The following DNER variants were observed in gnomAD, a reference collection of about 807,000 sequenced individuals.
The protein encoded by DNER is delta and Notch-like epidermal growth factor-related receptor.
A neutral mutation model predicts 78.2 loss-of-function variants in DNER; 33 were observed. That is an observed-to-expected ratio of 0.42 (90% CI 0.32 to 0.56). DNER has a LOEUF of 0.56. DNER is among the 20% of genes least tolerant of loss of function. The pLI is 0.11. For missense variants in DNER, 918 were observed against 975.3 expected, an observed-to-expected ratio of 0.94 and a Z score of 0.78; for synonymous variants, 417 against 384.8, an observed-to-expected ratio of 1.08 and a Z score of -0.98.
intron 5 of DNER, among the ~76,000 whole-genome samples, chr2:229,539,064 C>T (rs1696465903): frequency 6.6e-6 from 1 of 152,174 alleles, no homozygotes. Context: ...GTTCTGATGT[C>T]CTCCTTGAAA....
chr2:229,372,078 G>C (rs963857863), intron 11 of DNER, among the ~76,000 whole-genome samples: 1 of 152,184 alleles, frequency 6.6e-6, no homozygotes, highest in Non-Finnish European at 1.5e-5. Flanking sequence ...GAAAGAGATC[G>C]TCTCCTTTAT....
In DNER at chr2:229,586,024, C is replaced by T; in HGVS notation, c.681G>A (p.Lys227=). 4 of 1,608,748 alleles carry T rather than the reference C, an allele frequency of 2.5e-6. No individual in the cohort carries two copies. The highest frequency in any genetic ancestry group is 3.4e-6 in the Non-Finnish European group (4 of 1,177,796). The change falls in exon 4 of 13, where the codon AAG becomes AAA. Residue 227 remains lysine, a splice_region_variant and synonymous_variant. Coordinates refer to ENST00000341772, the MANE Select transcript of DNER (RefSeq NM_139072.4). ...SFEVPQNTSV[K]IRQDATASLI... ...GTGAGGCAGTGGCATCTTGCCGAATCCTGGAAACAGGAATGATGTAAACAG... is the reference window on the plus strand; with the variant it reads ...GTGAGGCAGTGGCATCTTGCCGAATTCTGGAAACAGGAATGATGTAAACAG...
At chr2:229,386,861 C>T (rs1692878681) in intron 11 of DNER, among the ~76,000 whole-genome samples, 3 of 152,052 alleles carry the variant, frequency 2.0e-5, no homozygotes, top group Non-Finnish European at 4.4e-5. Context: ...AATAGGAATG[C>T]TTTTATACTC....
intron 11 of DNER, among the ~76,000 whole-genome samples, chr2:229,377,318 C>T (rs1574813628): frequency 6.6e-6 from 1 of 152,334 alleles, no homozygotes; most frequent in East Asian, 1.9e-4. Flanking sequence ...AACTGGCCAA[C>T]TGTCAGTCAA....
intron 1 of DNER, among the ~76,000 whole-genome samples, chr2:229,593,054 C>T (rs577632623): frequency 7.4e-4 from 113 of 152,308 alleles, no homozygotes; most frequent in South Asian, 1.5e-3. Flanking sequence ...TTCAAAAATA[C>T]CACATTAATT....
rs207652 is a variant in DNER, at chr2:229,376,778, T to A, written c.1856-9659A>T. The stretch of plus-strand genomic sequence containing the variant: ...CATCTAGAAGAATATGCAATAAATG[T>A]CTAACAGTAGTTACCTTTAAGGAGT... On this transcript the variant is annotated intron_variant, in intron 11 of 12. Transcript: ENST00000341772. Among the ~76,000 whole-genome samples, 3 of 152,292 alleles carry A rather than the reference T, an allele frequency of 2.0e-5. No individual in the cohort carries two copies. The South Asian group carries it at 6.2e-4, about 32-fold the overall frequency.
chr2:229,623,323 C>T (rs1445039973), intron 1 of DNER, among the ~76,000 whole-genome samples: 1 of 152,154 alleles, frequency 6.6e-6, no homozygotes, highest in East Asian at 1.9e-4. Context: ...AATCTCCACC[C>T]ACCTTCTTTG....
chr2:229,435,348 G>T (rs1294077742), intron 8 of DNER, among the ~76,000 whole-genome samples: 1 of 152,174 alleles, frequency 6.6e-6, no homozygotes, highest in Non-Finnish European at 1.5e-5. Context: ...AAAAGCATGA[G>T]TGGGCACATG....
intron 4 of DNER, among the ~76,000 whole-genome samples, chr2:229,557,186 T>C (rs1221996900): frequency 2.6e-5 from 4 of 152,088 alleles, no homozygotes; most frequent in African/African-American, 9.7e-5. Flanking sequence ...TATAAAAGAG[T>C]GATCATTTGA....
intron 1 of DNER, among the ~76,000 whole-genome samples, chr2:229,691,213 C>T (rs184562074): frequency 2.5e-4 from 38 of 152,290 alleles, no homozygotes; most frequent in African/African-American, 8.9e-4. Flanking sequence ...GAAGAGACAA[C>T]AGTGGCTTCA....
chr2:229,639,809 G>C (rs1180729490), intron 1 of DNER, among the ~76,000 whole-genome samples: 1 of 152,186 alleles, frequency 6.6e-6, no homozygotes. Flanking sequence ...CGGCCAGGAT[G>C]CAGCGAAGAA....
At chr2:229,613,941 C>G (rs1000650205) in intron 1 of DNER, among the ~76,000 whole-genome samples, 1 of 150,248 alleles carries the variant, frequency 6.7e-6, no homozygotes, top group African/African-American at 2.4e-5. Context: ...AAACCAAACA[C>G]CGCATGTTCT....
chr2:229,604,430 T>C (rs72990006), intron 1 of DNER, among the ~76,000 whole-genome samples: 1,624 of 152,158 alleles, frequency 0.011, 12 homozygotes, highest in Non-Finnish European at 0.017. Flanking sequence ...CCAGGAAGAG[T>C]GTTCTTCTGT....
chr2:229,564,324 TTCCTCACCCCATCACCATCATCATCATCA>T (rs1559168369), intron 4 of DNER, among the ~76,000 whole-genome samples: 2 of 32,602 alleles, frequency 6.1e-5, no homozygotes, highest in Non-Finnish European at 1.3e-4. Flanking sequence ...CATCATCATC[TTCCTCACCCCATCACCATCATCATCATCA>T]TCCTCACCCC....
At chr2:229,684,323 G>T (rs1699448314) in intron 1 of DNER, among the ~76,000 whole-genome samples, 1 of 151,650 alleles carries the variant, frequency 6.6e-6, no homozygotes, top group Non-Finnish European at 1.5e-5. Flanking sequence ...TAGGGGAACA[G>T]ATTTAAATGT....
chr2:229,696,960 G>C (rs1310346589), intron 1 of DNER, among the ~76,000 whole-genome samples: 1 of 152,054 alleles, frequency 6.6e-6, no homozygotes, highest in Non-Finnish European at 1.5e-5. Flanking sequence ...TTTAAATATG[G>C]AATTACCATA....
intron 11 of DNER, among the ~76,000 whole-genome samples, chr2:229,387,954 G>C (rs1315258261): frequency 6.6e-6 from 1 of 151,832 alleles, no homozygotes; most frequent in Non-Finnish European, 1.5e-5. Flanking sequence ...TTTCTGTTCA[G>C]CACATTTTTG....
intron 7 of DNER, among the ~76,000 whole-genome samples, chr2:229,467,839 A>T (rs1409522349): frequency 6.6e-6 from 1 of 152,250 alleles, no homozygotes; most frequent in Non-Finnish European, 1.5e-5. Context: ...ACAAGAAAAA[A>T]AATAAAAATA....
At chr2:229,528,821 A>T (rs113007809) in intron 5 of DNER, among the ~76,000 whole-genome samples, 1,829 of 152,322 alleles carry the variant, frequency 0.012, 38 homozygotes, top group Middle Eastern at 0.054. Flanking sequence ...AATTATCTAA[A>T]TTCCAACCCT....
Sources: allele counts gnomAD v4.1 joint callset (sites outside exome capture counted in the v4.1 genomes callset), GRCh38; gene constraint gnomAD v4.1.1; transcripts MANE v1.5; gene names NCBI Gene and HGNC (gene_info 2026-07-23, HGNC 2026-07-21).